Variants in GPC6 observed in about 807,000 individuals in gnomAD.
GPC6 encodes glypican-6.
In GPC6, 14 loss-of-function variants were observed where a neutral mutation model predicts 55.2. That is an observed-to-expected ratio of 0.25 (90% CI 0.17 to 0.40). GPC6 has a LOEUF of 0.40. Among genes scored for constraint, GPC6 ranks in the 10% least tolerant of loss-of-function variants. GPC6 has a pLI of 1.00. For synonymous variants in GPC6, 278 were observed against 259.6 expected (o/e 1.07, Z -0.68); for missense variants, 641 against 708.5 (o/e 0.90, Z 1.08).
At chr13:93,717,056 G>C (rs1883276468) in intron 2 of GPC6, among the ~76,000 whole-genome samples, 1 of 151,492 alleles carries the variant, frequency 6.6e-6, no homozygotes, top group Non-Finnish European at 1.5e-5. Flanking sequence ...CTAGGTTTAT[G>C]TAAGTACACA....
chr13:94,309,579 C>T (rs1876128884), intron 6 of GPC6, among the ~76,000 whole-genome samples: 1 of 152,110 alleles, frequency 6.6e-6, no homozygotes, highest in South Asian at 2.1e-4. Flanking sequence ...ATTTGCTCCT[C>T]TAAAGTTATA....
intron 2 of GPC6, among the ~76,000 whole-genome samples, chr13:93,636,849 A>G (rs909736767): frequency 6.6e-6 from 1 of 151,896 alleles, no homozygotes. Context: ...ACTAAAATGC[A>G]TATTTGTATG....
At chr13:93,855,980 G>T (rs1176725876) in intron 3 of GPC6, among the ~76,000 whole-genome samples, 1 of 151,534 alleles carries the variant, frequency 6.6e-6, no homozygotes, top group African/African-American at 2.4e-5. Context: ...CCAGCCTGTG[G>T]CTTCTCCTTT....
chr13:93,681,951 T>C lies in GPC6; in HGVS notation c.319+136530T>C, dbSNP rs541665254. Among the ~76,000 whole-genome samples, 25 of 152,230 alleles carry C rather than the reference T, an allele frequency of 1.6e-4. No individual in the cohort carries two copies. The East Asian group carries it at 4.5e-3, about 27-fold the overall frequency. On this transcript the variant is annotated intron_variant, in intron 2 of 8. Coordinates refer to ENST00000377047, the MANE Select transcript of GPC6 (RefSeq NM_005708.5). The stretch of plus-strand genomic sequence containing the variant: ...TCTTTGAGTTTAACTTTTAGTACCC[T>C]TTTTTTGACAGCTGCTTAATTGTAT...
intron 6 of GPC6, 112 bp downstream of exon 6, chr13:94,306,235 A>T (rs1424339531): frequency 9.9e-7 from 1 of 1,012,482 alleles, no homozygotes; most frequent in East Asian, 2.4e-5. Context: ...TCTCATGCTT[A>T]TATCTGCCTC....
intron 1 of GPC6, among the ~76,000 whole-genome samples, chr13:93,400,399 T>C (rs1009425793): frequency 3.4e-5 from 5 of 149,122 alleles, no homozygotes; most frequent in Admixed American, 1.3e-4. Context: ...TTGGGGATAC[T>C]AAGGATGAAA....
At chr13:94,328,317 C>T (rs1877229355) in intron 6 of GPC6, among the ~76,000 whole-genome samples, 2 of 152,198 alleles carry the variant, frequency 1.3e-5, no homozygotes, top group Admixed American at 1.3e-4. Flanking sequence ...TCCATCTTTC[C>T]ATGCCCGATG....
intron 6 of GPC6, among the ~76,000 whole-genome samples, chr13:94,356,332 G>A (rs537174073): frequency 6.6e-6 from 1 of 152,278 alleles, no homozygotes; most frequent in East Asian, 1.9e-4. Context: ...TGAGTCAAAT[G>A]GCATTTCTGG....
intron 4 of GPC6, among the ~76,000 whole-genome samples, chr13:94,178,463 A>G (rs1284726114): frequency 3.3e-5 from 5 of 152,244 alleles, no homozygotes; most frequent in Non-Finnish European, 7.3e-5. Flanking sequence ...TTTCAACAAT[A>G]TCATTAAATG....
chr13:93,927,298 A>G (rs575108396), intron 3 of GPC6, among the ~76,000 whole-genome samples: 7 of 152,316 alleles, frequency 4.6e-5, no homozygotes, highest in African/African-American at 1.7e-4. Context: ...CTGTGCAAAG[A>G]TAGACTATGA....
At chr13:93,991,797 C>A (rs528105893) in intron 3 of GPC6, among the ~76,000 whole-genome samples, 2 of 152,242 alleles carry the variant, frequency 1.3e-5, no homozygotes, top group East Asian at 3.9e-4. Flanking sequence ...TTACCCATCA[C>A]CTACAGGATA....
chr13:93,231,392 T>TAC lies in GPC6; in HGVS notation c.160+3777_160+3778insCA, dbSNP rs1566533569. Among the ~76,000 whole-genome samples, 126 of 21,102 alleles carry TAC rather than the reference T, an allele frequency of 6.0e-3. 4 individuals carry two copies. The highest frequency in any genetic ancestry group is 0.025 in the African/African-American group (123 of 4,922). The allele number at this position is 21,102 out of a possible 152,430, so 13.8% of individuals were successfully genotyped here. A position where few individuals can be genotyped will look rare whatever the true frequency, so the allele number is the denominator to read the frequency against. ...ATATATATATATACATATATATATA[T>TAC]ATATGTATATATATATATATATATA... is the stretch of plus-strand genomic sequence containing the variant. On this transcript the variant is annotated intron_variant, in intron 1 of 8. Coordinates refer to ENST00000377047, the MANE Select transcript of GPC6 (RefSeq NM_005708.5).
At chr13:93,409,712 C>A (rs1876425553) in intron 1 of GPC6, among the ~76,000 whole-genome samples, 1 of 152,204 alleles carries the variant, frequency 6.6e-6, no homozygotes, top group Non-Finnish European at 1.5e-5. Flanking sequence ...TTCTGTGTGT[C>A]AGGCTTTATG....
intron 3 of GPC6, among the ~76,000 whole-genome samples, chr13:93,875,200 A>G (rs968553727): frequency 5.3e-5 from 8 of 151,802 alleles, no homozygotes; most frequent in African/African-American, 1.9e-4. Flanking sequence ...CTCAATTTCC[A>G]TTTTGTTTCC....
chr13:93,953,434 C>A (rs1250748392), intron 3 of GPC6, among the ~76,000 whole-genome samples: 1 of 152,056 alleles, frequency 6.6e-6, no homozygotes. Context: ...TCATTATTGT[C>A]CTGGTTCTTT....
intron 2 of GPC6, among the ~76,000 whole-genome samples, chr13:93,742,139 T>C (rs142497821): frequency 0.012 from 1,849 of 152,298 alleles, 17 homozygotes; most frequent in Non-Finnish European, 0.017. Context: ...ATAAATACTT[T>C]GTGGTGTCTA....
chr13:93,308,302 ATT>A (rs543222562), intron 1 of GPC6, among the ~76,000 whole-genome samples: 97 of 152,306 alleles, frequency 6.4e-4, no homozygotes, highest in Admixed American at 1.5e-3. Context: ...AAAAATGGTT[ATT>A]GTTAGACAAA....
chr13:93,744,259 C>T (rs959116893), intron 2 of GPC6, among the ~76,000 whole-genome samples: 1 of 152,138 alleles, frequency 6.6e-6, no homozygotes, highest in Non-Finnish European at 1.5e-5. Context: ...CTTTTCTCAT[C>T]ACTGTTTCTT....
chr13:93,965,133 A>G (rs1421183734), intron 3 of GPC6, among the ~76,000 whole-genome samples: 1 of 39,760 alleles, frequency 2.5e-5, no homozygotes, highest in Admixed American at 3.1e-4. Context: ...TTTTTTTTTT[A>G]GCAAGGGAAG....
Sources: allele counts gnomAD v4.1 joint callset (sites outside exome capture counted in the v4.1 genomes callset), GRCh38; gene constraint gnomAD v4.1.1; transcripts MANE v1.5; gene names NCBI Gene and HGNC (gene_info 2026-07-23, HGNC 2026-07-21).